PKLR: variants seen among roughly 807,000 people sequenced by gnomAD.
The protein encoded by PKLR is pyruvate kinase PKLR.
PKLR carries 38 observed loss-of-function variants against 53.6 expected under a neutral mutation model. The observed-to-expected ratio is 0.71, with a 90% CI of 0.55 to 0.93. PKLR has a LOEUF of 0.93. PKLR is among the 40% of genes least tolerant of loss of function. The pLI, the probability that PKLR is intolerant of heterozygous loss-of-function variation, is 0.00. For missense variants in PKLR, 702 were observed against 787.3 expected (o/e 0.89, Z 1.30); for synonymous variants, 328 against 316.2 (o/e 1.04, Z -0.39).
chr1:155,291,620 C>T, intron 10 of PKLR, 136 bp downstream of exon 10: 2 of 772,484 alleles, frequency 2.6e-6, no homozygotes, highest in Admixed American at 3.8e-5. Flanking sequence ...ACTGATATCT[C>T]AGTCTTAGTG....
At chr1:155,294,431 G>GGT in intron 6 of PKLR, 46 bp from the exon 7 acceptor site, 2 of 1,614,230 alleles carry the variant, frequency 1.2e-6, no homozygotes, top group African/African-American at 2.7e-5. Flanking sequence ...GGAGAAGAAA[G>GGT]GTGATGGGGA....
chr1:155,295,268 G>T lies in PKLR; in HGVS notation c.542C>A (p.Ser181Tyr). Reference protein sequence around the residue: ...PESEVELVKGSQVLVTVDPAF... With the variant: ...PESEVELVKGYQVLVTVDPAF... ...GGGGTCCACAGTCACCAGCACCTGG[G>T]AGCCCTTCACCAGCTCCACTTCCGA... Residue 181 changes from serine to tyrosine, a missense_variant, in exon 5 of 11, where the codon TCC becomes TAC. Ser to Tyr is a moderately radical substitution (Grantham distance 144). Transcript: ENST00000342741. The surrounding 1 kb of genome is among the most constrained non-coding windows in gnomAD (Gnocchi z 4.3). 1 of 1,614,108 alleles carries T rather than the reference G, an allele frequency of 6.2e-7. No homozygotes were observed. The highest frequency in any genetic ancestry group is 8.5e-7 in the Non-Finnish European group (1 of 1,180,002).
Position 155,294,276 on chromosome 1 carries a change from G to T in PKLR, c.1075C>A (p.Arg359Ser). 1 of 1,614,080 alleles carries T rather than the reference G, an allele frequency of 6.2e-7. No homozygotes were observed. Among genetic ancestry groups the T allele is most frequent in the Admixed American group, 1.7e-5 (1 of 59,988 alleles). The change falls in exon 7 of 11, where the codon CGC becomes AGC. Residue 359 changes from arginine to serine, a missense_variant. Arg to Ser is a moderately radical substitution (Grantham distance 110, BLOSUM62 -1). Coordinates refer to ENST00000342741, the MANE Select transcript of PKLR (RefSeq NM_000298.6). ...VFLAQKMMIGRCNLAGKPVVC... is the reference protein window; with the variant it reads ...VFLAQKMMIGSCNLAGKPVVC... ...ACAGGCTTGCCCGCCAAGTTGCAGC[G>T]CCCAATCATCATCTTCTGAGCCAGG...
the PKLR span, among the ~76,000 whole-genome samples, chr1:155,306,646 C>A: frequency 2.0e-5 from 3 of 152,156 alleles, no homozygotes; most frequent in East Asian, 5.8e-4. This position sits in a 1 kb window ranked among gnomAD's most constrained non-coding sequence, Gnocchi z 4.2. Flanking sequence ...CCATTCCACA[C>A]ACACACACAA....
chr1:155,297,400 G>A (rs1313803383), intron 2 of PKLR, among the ~76,000 whole-genome samples: 1 of 151,808 alleles, frequency 6.6e-6, no homozygotes. Flanking sequence ...AAACCTCAGA[G>A]TCACCTGTCA....
At chr1:155,300,075 T>C (rs1174428233) in intron 2 of PKLR, 23 bp downstream of exon 2, 1 of 1,607,278 alleles carries the variant, frequency 6.2e-7, no homozygotes, top group African/African-American at 1.3e-5. Context: ...CCTGTGTGGC[T>C]GCAGGGGGAT....
intron 6 of PKLR, 34 bp downstream of exon 6, chr1:155,294,448 A>G (rs771352181): frequency 1.2e-5 from 20 of 1,614,234 alleles, no homozygotes; most frequent in Non-Finnish European, 1.5e-5. Flanking sequence ...GGGAATAGCG[A>G]CAGGGCCGAA....
chr1:155,295,707 C>A lies in PKLR; in HGVS notation c.333G>T (p.Gly111=). The A allele has an allele frequency of 6.2e-7, 1 of 1,614,178 alleles. No individual in the cohort carries two copies. The highest frequency in any genetic ancestry group is 2.2e-5 in the East Asian group (1 of 44,874). Residue 111 remains glycine, a synonymous_variant, in exon 3 of 11, where the codon GGG becomes GGT. Transcript: ENST00000342741. The surrounding 1 kb of genome is among the most constrained non-coding windows in gnomAD (Gnocchi z 4.3). ...VERLKEMIKA[G]MNIARLNFSH... Reference sequence around the variant, plus strand: ...AGAAGTTGAGTCGCGCAATGTTCATCCCGGCCTTGATCATCTCCTTGAGGC... The same window carrying A: ...AGAAGTTGAGTCGCGCAATGTTCATACCGGCCTTGATCATCTCCTTGAGGC...
chr1:155,308,055 CTTT>C, the PKLR span, among the ~76,000 whole-genome samples: 6 of 123,754 alleles, frequency 4.8e-5, no homozygotes, highest in Admixed American at 8.2e-5. Context: ...TGAGACTCAT[CTTT>C]TTTTTTTTTT....
At chr1:155,302,561 T>C (rs1199540830), upstream of PKLR, among the ~76,000 whole-genome samples, 10 of 151,774 alleles carry the variant, frequency 6.6e-5, no homozygotes. Context: ...TTAGTAAAGA[T>C]GGGGTTTCAC....
At position 155,294,546 on chromosome 1, in the gene PKLR, G is replaced by C. The variant is rs1468795405; in HGVS notation, c.901C>G (p.Leu301Val). The C allele has an allele frequency of 1.1e-5, 18 of 1,614,116 alleles. No individual in the cohort carries two copies. In the Admixed American group the frequency reaches 2.8e-4, roughly 25 times the overall value. Residue 301 changes from leucine (L) to valine (V), a missense_variant, in exon 6 of 11, where the codon CTG becomes GTG. By Grantham distance (32) the Leu-to-Val change is conservative (BLOSUM62 1). Coordinates refer to ENST00000342741, the MANE Select transcript of PKLR (RefSeq NM_000298.6). ...ASDVAAVRAA[L>V]GPEGHGIKII... Reference sequence around the variant, plus strand: ...TTGATGCCGTGTCCTTCCGGACCCAGAGCAGCCCTGACGGCAGCCACGTCG... The same window carrying C: ...TTGATGCCGTGTCCTTCCGGACCCACAGCAGCCCTGACGGCAGCCACGTCG...
chr1:155,291,906 G>A lies in PKLR; in HGVS notation c.1468C>T (p.Arg490Trp), dbSNP rs200133000. ...CGGGTGACAGCAATGACTGCTGCCC[G>A]AGGTCGGTACCGAGACAGAAGCTGG... ...SAQLLSRYRP[R>W]AAVIAVTRSA... The change falls in exon 10 of 11, where the codon CGG becomes TGG. Residue 490 changes from arginine (R) to tryptophan (W), a missense_variant. By Grantham distance (101) the Arg-to-Trp change is moderately radical. This residue lies in a region of PKLR where 183 missense variants were observed against 250.2 expected (regional missense o/e 0.73). Transcript: ENST00000342741. 9.0e-5 allele frequency: 146 copies of A among 1,613,660 alleles called. 2 individuals are homozygous for A. In the East Asian group the frequency reaches 2.8e-3, roughly 31 times the overall value.
intron 2 of PKLR, among the ~76,000 whole-genome samples, chr1:155,298,995 T>C (rs989489328): frequency 3.0e-4 from 29 of 97,612 alleles, no homozygotes; most frequent in African/African-American, 9.7e-4. Context: ...TCTTTCTTTC[T>C]TTCTTTCTTT....
chr1:155,308,055 CTT>C, the PKLR span, among the ~76,000 whole-genome samples: 1,202 of 123,724 alleles, frequency 9.7e-3, 5 homozygotes, highest in South Asian at 0.014. Context: ...TGAGACTCAT[CTT>C]TTTTTTTTTT....
Position 155,290,229 on chromosome 1 carries a change from G to A in PKLR, c.*343C>T, listed in dbSNP as rs1674471569. 1 of 345,582 alleles carries A rather than the reference G, an allele frequency of 2.9e-6. No homozygotes were observed. The highest frequency in any genetic ancestry group is 5.5e-6 in the Non-Finnish European group (1 of 181,638). The allele number at this position is 345,582 out of a possible 1,614,324, so 21.4% of individuals were successfully genotyped here. ...CCACCCCAAGGGATGGGATGCCTGG[G>A]GTTATGGAATTAACCAGCCAAACTG... On this transcript the variant is annotated 3_prime_UTR_variant, in exon 11 of 11. Coordinates refer to ENST00000342741, the MANE Select transcript of PKLR (RefSeq NM_000298.6).
intron 2 of PKLR, among the ~76,000 whole-genome samples, chr1:155,297,058 C>G (rs1647640126): frequency 6.6e-6 from 1 of 152,176 alleles, no homozygotes; most frequent in Non-Finnish European, 1.5e-5. Flanking sequence ...ACTAGCTGCT[C>G]TTTCCCAGTC....
Position 155,300,280 on chromosome 1 carries a change from C to T in PKLR, c.101G>A (p.Gly34Glu). 6.3e-7 allele frequency: 1 copy of T among 1,582,832 alleles called. No homozygotes were observed. The highest frequency in any genetic ancestry group is 8.6e-7 in the Non-Finnish European group (1 of 1,164,822). Reference sequence around the variant, plus strand: ...GGCCCGCCGCAGATACCCCGCTGGCCCTGTGGTAGAAGGGGGCTCAGGGAC... The same window carrying T: ...GGCCCGCCGCAGATACCCCGCTGGCTCTGTGGTAGAAGGGGGCTCAGGGAC... Reference protein sequence around the residue: ...AKSILIGAPGGPAGYLRRASV... With the variant: ...AKSILIGAPGEPAGYLRRASV... Residue 34 changes from glycine to glutamate, a missense_variant and splice_region_variant, in exon 2 of 11, where the codon GGG (glycine) becomes GAG (glutamate). Transcript: ENST00000342741.
At position 155,295,613 on chromosome 1, in the gene PKLR, G is replaced by C. The variant is rs1033033245; in HGVS notation, c.376-45C>G. 1.9e-6 allele frequency: 3 copies of C among 1,614,028 alleles called. No homozygotes were observed. Among genetic ancestry groups the C allele is most frequent in the Non-Finnish European group, 2.5e-6 (3 of 1,180,006 alleles). The stretch of plus-strand genomic sequence containing the variant: ...GAGGGTTTCAGGGGAAGGTGGCCAG[G>C]ACCTCGAGGCATCCTCCTGCCCCAC... On this transcript the variant is annotated intron_variant, in intron 3 of 10. Transcript: ENST00000342741. The surrounding 1 kb of genome is among the most constrained non-coding windows in gnomAD (Gnocchi z 4.3).
Position 155,290,610 on chromosome 1 carries a change from C to T in PKLR, c.1687G>A (p.Gly563Ser), listed in dbSNP as rs997370208. The stretch of plus-strand genomic sequence containing the variant: ...AGCACCCGCATGATGTTGGTGTAGC[C>T]GGAGCCAGGTCGCCAGCCTGTCACC... Reference protein sequence around the residue: ...IVVTGWRPGSGYTNIMRVLSI... With the variant: ...IVVTGWRPGSSYTNIMRVLSI... The change falls in exon 11 of 11, where the codon GGC (glycine) becomes AGC (serine). Residue 563 changes from glycine (G) to serine (S), a missense_variant. Physicochemically the swap from Gly to Ser is moderately conservative, Grantham distance 56. This residue lies in a region of PKLR where 183 missense variants were observed against 250.2 expected (regional missense o/e 0.73). Transcript: ENST00000342741. 15 of 1,613,208 alleles carry T rather than the reference C, an allele frequency of 9.3e-6. No homozygotes were observed. Among genetic ancestry groups the T allele is most frequent in the African/African-American group, 4.0e-5 (3 of 74,786 alleles).
Sources: gnomAD v4.1 joint callset for allele counts (sites outside exome capture counted in the v4.1 genomes callset) on GRCh38, gnomAD v4.1.1 for gene constraint, gnomAD v4.1.1 regional missense constraint, Gnocchi (gnomAD v3.1) non-coding constraint, MANE v1.5 for transcripts, NCBI Gene and HGNC (gene_info 2026-07-23, HGNC 2026-07-21) for gene names.